The following ANKRD66 variants were observed in gnomAD, a reference collection of about 807,000 sequenced individuals.
The protein encoded by ANKRD66 is ankyrin repeat domain-containing protein 66.
A neutral mutation model predicts 10.9 loss-of-function variants in ANKRD66; 10 were observed. The ratio of observed to expected loss-of-function variants is 0.91; its 90% confidence interval spans 0.56 to 1.55. The LOEUF (loss-of-function observed/expected upper bound fraction) is 1.55, where lower values mean the gene tolerates loss of function less well. ANKRD66 is among the 40% of genes most tolerant of loss of function. ANKRD66 has a pLI of 0.00. For missense variants in ANKRD66, 252 were observed against 242.9 expected (o/e 1.04, Z -0.25); for synonymous variants, 85 against 88.4 (o/e 0.96, Z 0.22).
chr6:46,751,236 C>T (rs1392527019), intron 2 of ANKRD66, among the ~76,000 whole-genome samples: 1 of 152,084 alleles, frequency 6.6e-6, no homozygotes, highest in African/African-American at 2.4e-5. Context: ...GCCATCAGAA[C>T]AATTGTCAAC....
chr6:46,755,033 C>T (rs569504377), intron 4 of ANKRD66, among the ~76,000 whole-genome samples: 1 of 152,302 alleles, frequency 6.6e-6, no homozygotes, highest in African/African-American at 2.4e-5. Context: ...CCTGCATTAT[C>T]ACCAGGTCTT....
chr6:46,748,025 C>A lies in ANKRD66; in HGVS notation c.-97+1035C>A, dbSNP rs538096874. On this transcript the variant is annotated intron_variant, in intron 1 of 4. Coordinates refer to ENST00000565422, the MANE Select transcript of ANKRD66 (RefSeq NM_001162435.3). The stretch of plus-strand genomic sequence containing the variant: ...ACGGATCACAGACCTAAAAGTAAGT[C>A]TTAAAACTATAAAACTCTTAGAGGA... Among the ~76,000 whole-genome samples, 13 of 152,288 alleles carry A rather than the reference C, an allele frequency of 8.5e-5. No individual in the cohort carries two copies. In the South Asian group the frequency reaches 1.2e-3, roughly 15 times the overall value.
chr6:46,751,727 G>A (rs151169097), intron 2 of ANKRD66, among the ~76,000 whole-genome samples: 2 of 152,220 alleles, frequency 1.3e-5, no homozygotes, highest in East Asian at 3.9e-4. Context: ...GTGTGCAGTG[G>A]GAGCCACCAA....
chr6:46,748,728 C>T (rs1418371879), intron 1 of ANKRD66, among the ~76,000 whole-genome samples: 2 of 152,114 alleles, frequency 1.3e-5, no homozygotes, highest in Non-Finnish European at 2.9e-5. Context: ...TTTGAAAATC[C>T]ACTGCTGATT....
In ANKRD66 at chr6:46,752,084, A is replaced by G; in HGVS notation, c.136A>G (p.Thr46Ala). 2 of 1,504,880 alleles carry G rather than the reference A, an allele frequency of 1.3e-6. No homozygotes were observed. The highest frequency in any genetic ancestry group is 1.8e-6 in the Non-Finnish European group (2 of 1,128,656). 93.2% of individuals were successfully genotyped at this position (1,504,880 alleles called of 1,614,324 possible). A position where few individuals can be genotyped will look rare whatever the true frequency, so the allele number is the denominator to read the frequency against. The stretch of plus-strand genomic sequence containing the variant: ...CAAAGATGTAGACTGGAATGACCGG[A>G]CCCCACTTCACTGGGCTGCAATCAA... ...NYKDVDWNDR[T>A]PLHWAAIKGQ... The change falls in exon 3 of 5, where the codon ACC becomes GCC. Residue 46 changes from threonine (T) to alanine (A), a missense_variant. By Grantham distance (58) the Thr-to-Ala change is moderately conservative. Transcript: ENST00000565422.
At chr6:46,757,485 C>T (rs1766406209) in intron 4 of ANKRD66, 1 of 152,018 alleles carries the variant, frequency 6.6e-6, no homozygotes, top group Non-Finnish European at 1.5e-5. Context: ...CAAGCTGAAA[C>T]AGATGCATTA....
At chr6:46,756,145 A>T in intron 4 of ANKRD66, 1 of 410,984 alleles carries the variant, frequency 2.4e-6, no homozygotes, top group Admixed American at 3.0e-5. Flanking sequence ...TGTATTTGCA[A>T]GATCTAAGAT....
At chr6:46,747,453 C>T (rs1766167638) in intron 1 of ANKRD66, among the ~76,000 whole-genome samples, 1 of 152,310 alleles carries the variant, frequency 6.6e-6, no homozygotes, top group African/African-American at 2.4e-5. Flanking sequence ...AGCAGTCACT[C>T]CCCACCCCAA....
At position 46,753,786 on chromosome 6, in the gene ANKRD66, G is replaced by A; in HGVS notation, c.228G>A (p.Val76=). Reference sequence around the variant, plus strand: ...CCAGGCCCTGCCTGGTTACTAGTGTGGGCTGGACCCCAGCTCATTTTGCAG... The same window carrying A: ...CCAGGCCCTGCCTGGTTACTAGTGTAGGCTGGACCCCAGCTCATTTTGCAG... ...YGARPCLVTS[V]GWTPAHFAAE... is the part of the protein sequence containing the mutation. The change falls in exon 4 of 5, where the codon GTG becomes GTA. Residue 76 remains valine (V), a synonymous_variant. Coordinates refer to ENST00000565422, the MANE Select transcript of ANKRD66 (RefSeq NM_001162435.3). 6.4e-7 allele frequency: 1 copy of A among 1,551,624 alleles called. No individual in the cohort carries two copies. Among genetic ancestry groups the A allele is most frequent in the Non-Finnish European group, 8.7e-7 (1 of 1,146,966 alleles).
chr6:46,755,969 A>C, intron 4 of ANKRD66: 1 of 313,808 alleles, frequency 3.2e-6, no homozygotes, highest in South Asian at 2.9e-5. Context: ...ACAGTTCATC[A>C]GTGTTATGCA....
At chr6:46,750,447 C>G (rs1158809348) in intron 2 of ANKRD66, among the ~76,000 whole-genome samples, 1 of 151,850 alleles carries the variant, frequency 6.6e-6, no homozygotes, top group Non-Finnish European at 1.5e-5. Flanking sequence ...CTCCCCTGCC[C>G]AATCTCTTTA....
Position 46,753,804 on chromosome 6 carries a change from T to C in ANKRD66, c.246T>C (p.His82=), listed in dbSNP as rs959163498. 5.2e-6 allele frequency: 8 copies of C among 1,551,666 alleles called. No homozygotes were observed. Among genetic ancestry groups the C allele is most frequent in the Non-Finnish European group, 7.0e-6 (8 of 1,146,992 alleles). The change falls in exon 4 of 5, where the codon CAT becomes CAC. Residue 82 remains histidine, a synonymous_variant. Coordinates refer to ENST00000565422, the MANE Select transcript of ANKRD66 (RefSeq NM_001162435.3). ...CTAGTGTGGGCTGGACCCCAGCTCA[T>C]TTTGCAGCAGAAGCAGGCCATCTGA... ...LVTSVGWTPA[H]FAAEAGHLNI... is the part of the protein sequence containing the mutation.
intron 2 of ANKRD66, among the ~76,000 whole-genome samples, chr6:46,750,842 C>T (rs1047582688): frequency 6.6e-6 from 1 of 151,676 alleles, no homozygotes; most frequent in African/African-American, 2.4e-5. Context: ...TTGCAATGTG[C>T]AGTCTGAAAT....
intron 1 of ANKRD66, among the ~76,000 whole-genome samples, chr6:46,747,977 T>A (rs1184560332): frequency 6.6e-6 from 1 of 152,162 alleles, no homozygotes; most frequent in Non-Finnish European, 1.5e-5. Context: ...GCAATTGTTG[T>A]CAAGTATAAA....
Position 46,752,007 on chromosome 6 carries a change from A to G in ANKRD66, c.59A>G (p.Asp20Gly). 2 of 1,532,012 alleles carry G rather than the reference A, an allele frequency of 1.3e-6. No homozygotes were observed. 94.9% of individuals were successfully genotyped at this position (1,532,012 alleles called of 1,614,324 possible). A position where few individuals can be genotyped will look rare whatever the true frequency, so the allele number is the denominator to read the frequency against. ...CTTCACCAAGCTGTGGCTGCAGGAG[A>G]CTACAGCTTAGTGAAGAAGATTTTG... ...TKLHQAVAAG[D>G]YSLVKKILKK... Residue 20 changes from aspartate (D) to glycine (G), a missense_variant, in exon 3 of 5, where the codon GAC (aspartate) becomes GGC (glycine). Transcript: ENST00000565422.
At chr6:46,749,804 T>G in intron 1 of ANKRD66, 92 bp from the exon 2 acceptor site, 1 of 1,425,060 alleles carries the variant, frequency 7.0e-7, no homozygotes, top group Non-Finnish European at 9.3e-7. Context: ...TCTTTTACTT[T>G]CCGGTCTTTG....
chr6:46,748,593 T>C (rs1313467418), intron 1 of ANKRD66, among the ~76,000 whole-genome samples: 3 of 152,250 alleles, frequency 2.0e-5, no homozygotes, highest in Non-Finnish European at 4.4e-5. Context: ...ATGCAGTCTG[T>C]GCCATCTTCT....
chr6:46,757,639 T>C (rs550878326), intron 4 of ANKRD66: 2 of 152,304 alleles, frequency 1.3e-5, no homozygotes, highest in Admixed American at 1.3e-4. Context: ...GTGATGAAGA[T>C]AAAGGATATA....
chr6:46,749,930 G>A lies in ANKRD66; in HGVS notation c.-62G>A. The A allele has an allele frequency of 6.5e-7, 1 of 1,549,574 alleles. No homozygotes were observed. The highest frequency in any genetic ancestry group is 8.7e-7 in the Non-Finnish European group (1 of 1,145,328). On this transcript the variant is annotated 5_prime_UTR_variant, in exon 2 of 5. Transcript: ENST00000565422. ...CACATTTCAATGCACTCACCTGGAG[G>A]GCTTACCACAACAAAGATGGCCGGA...
Sources: allele counts gnomAD v4.1 joint callset (sites outside exome capture counted in the v4.1 genomes callset), GRCh38; gene constraint gnomAD v4.1.1; transcripts MANE v1.5; gene names NCBI Gene and HGNC (gene_info 2026-07-23, HGNC 2026-07-21).